The following RPGRIP1 variants were observed in gnomAD, a reference collection of about 807,000 sequenced individuals.
The protein encoded by RPGRIP1 is RPGR interacting protein 1, also known as X-linked retinitis pigmentosa GTPase regulator-interacting protein 1.
In RPGRIP1, 128 loss-of-function variants were observed where a neutral mutation model predicts 157.9. The ratio of observed to expected loss-of-function variants is 0.81; its 90% CI spans 0.70 to 0.94. The LOEUF (loss-of-function observed/expected upper bound fraction) is 0.94. RPGRIP1 is among the 40% of genes least tolerant of loss of function. The pLI is 0.00. For synonymous variants in RPGRIP1, 554 were observed against 571.6 expected, an observed-to-expected ratio of 0.97 and a Z score of 0.44; for missense variants, 1,486 against 1,545.8, an observed-to-expected ratio of 0.96 and a Z score of 0.65.
chr14:21,331,155 C>T (rs1308360375), intron 20 of RPGRIP1, among the ~76,000 whole-genome samples: 3 of 151,796 alleles, frequency 2.0e-5, no homozygotes, highest in Non-Finnish European at 4.4e-5. Flanking sequence ...GTGATCCGCC[C>T]ACCTCAGCCT....
intron 1 of RPGRIP1, among the ~76,000 whole-genome samples, chr14:21,284,540 A>ATTTTTTT (rs67923336): frequency 7.7e-6 from 1 of 130,462 alleles, no homozygotes; most frequent in Non-Finnish European, 1.6e-5. Context: ...GGAGAACTAA[A>ATTTTTTT]TTTTTTTTTT....
intron 21 of RPGRIP1, among the ~76,000 whole-genome samples, chr14:21,341,457 G>C (rs1252815034): frequency 6.6e-6 from 1 of 152,162 alleles, no homozygotes; most frequent in African/African-American, 2.4e-5. Context: ...AGAAAAGATG[G>C]GGTAAGAGCC....
chr14:21,288,550 C>T (rs188128934), intron 2 of RPGRIP1, among the ~76,000 whole-genome samples: 10 of 146,782 alleles, frequency 6.8e-5, no homozygotes, highest in South Asian at 2.2e-4. Flanking sequence ...CACTCTCTCT[C>T]GTCCCCCAGG....
chr14:21,328,557 G>A lies in RPGRIP1; in HGVS notation c.3029G>A (p.Arg1010Lys), dbSNP rs969637624. The A allele has an allele frequency of 8.7e-6, 14 of 1,613,624 alleles. No homozygotes were observed. Among genetic ancestry groups the A allele is most frequent in the Non-Finnish European group, 1.0e-5 (12 of 1,179,736 alleles). The change falls in exon 19 of 25, where the codon AGA becomes AAA. Residue 1010 changes from arginine (R) to lysine (K), a missense_variant. By Grantham distance (26) the Arg-to-Lys change is conservative. Transcript: ENST00000400017. ...VSYSRRKHGK[R>K]IGVQGKNRME... ...TACTCAAGAAGAAAACATGGCAAAA[G>A]AATAGGTGTTCAAGGAAAGAATAGA...
chr14:21,281,173 A>T (rs921019245), intron 1 of RPGRIP1, among the ~76,000 whole-genome samples: 1 of 151,864 alleles, frequency 6.6e-6, no homozygotes, highest in Admixed American at 6.6e-5. Flanking sequence ...GCGCACCACC[A>T]TGCCCAGCTA....
At chr14:21,335,523 TC>T (rs1207657180) in intron 21 of RPGRIP1, among the ~76,000 whole-genome samples, 6 of 151,692 alleles carry the variant, frequency 4.0e-5, no homozygotes, top group Non-Finnish European at 7.4e-5. Context: ...GAGACACGCA[TC>T]AAAAAAATAT....
intron 14 of RPGRIP1, 25 bp from the exon 15 acceptor site, chr14:21,324,593 A>G: frequency 6.3e-7 from 1 of 1,586,994 alleles, no homozygotes; most frequent in Non-Finnish European, 8.6e-7. Context: ...CCTTTAACGG[A>G]TAGGCAGCTT....
At position 21,325,911 on chromosome 14, in the gene RPGRIP1, G is replaced by C. The variant is rs967192107; in HGVS notation, c.2448G>C (p.Leu816=). Reference sequence around the variant, plus strand: ...GCTGTGGCCTCCGGAGTCGATGGCTGGGAACTCAACCCAGTCCATATGCTG... The same window carrying C: ...GCTGTGGCCTCCGGAGTCGATGGCTCGGAACTCAACCCAGTCCATATGCTG... The part of the protein sequence containing the change: ...TKCCGLRSRW[L]GTQPSPYAVY... The change falls in exon 17 of 25, where the codon CTG becomes CTC. Residue 816 remains leucine (L), a synonymous_variant. Coordinates refer to ENST00000400017, the MANE Select transcript of RPGRIP1 (RefSeq NM_020366.4). 2 of 1,613,954 alleles carry C rather than the reference G, an allele frequency of 1.2e-6. No individual in the cohort carries two copies. Among genetic ancestry groups the C allele is most frequent in the Admixed American group, 3.3e-5 (2 of 60,004 alleles).
intron 10 of RPGRIP1, among the ~76,000 whole-genome samples, chr14:21,316,403 A>T (rs1476208526): frequency 6.6e-6 from 1 of 151,658 alleles, no homozygotes; most frequent in Non-Finnish European, 1.5e-5. Flanking sequence ...GGAACCATCC[A>T]GCCTGGCCGG....
chr14:21,288,486 C>T (rs1165061255), intron 2 of RPGRIP1, among the ~76,000 whole-genome samples: 1 of 150,628 alleles, frequency 6.6e-6, no homozygotes, highest in African/African-American at 2.4e-5. Context: ...TGGCCCTCTT[C>T]TCACATTTTA....
chr14:21,301,846 C>A (rs575605556), intron 4 of RPGRIP1, among the ~76,000 whole-genome samples: 1 of 151,994 alleles, frequency 6.6e-6, no homozygotes, highest in African/African-American at 2.4e-5. Flanking sequence ...CCACTGAACT[C>A]CAGCCTGGGC....
intron 2 of RPGRIP1, among the ~76,000 whole-genome samples, chr14:21,289,642 C>G (rs1206160974): frequency 6.6e-6 from 1 of 152,006 alleles, no homozygotes; most frequent in Non-Finnish European, 1.5e-5. Context: ...AATGATGCAA[C>G]CACTTTGGAA....
chr14:21,349,748 C>A (rs1157477094), intron 24 of RPGRIP1, among the ~76,000 whole-genome samples: 1 of 152,148 alleles, frequency 6.6e-6, no homozygotes, highest in Non-Finnish European at 1.5e-5. Flanking sequence ...TTCTTCTACC[C>A]CATTTCCATC....
At position 21,324,879 on chromosome 14, in the gene RPGRIP1, T is replaced by C; in HGVS notation, c.2024T>C (p.Leu675Pro). 6.2e-7 allele frequency: 1 copy of C among 1,614,030 alleles called. No individual in the cohort carries two copies. The highest frequency in any genetic ancestry group is 1.1e-5 in the South Asian group (1 of 91,086). Residue 675 changes from leucine to proline, a missense_variant, in exon 15 of 25, where the codon CTC (leucine) becomes CCC (proline). Physicochemically the swap from Leu to Pro is moderately conservative, Grantham distance 98. Transcript: ENST00000400017. ...CCATTATCTGTGGGGCCACAGCCCC[T>C]CTATGACTTCACCTCCCAGTATGTG... ...CTPLSVGPQP[L>P]YDFTSQYVME...
chr14:21,328,302 T>C (rs1724610637), intron 18 of RPGRIP1, 122 bp from the exon 19 acceptor site: 2 of 692,648 alleles, frequency 2.9e-6, no homozygotes, highest in African/African-American at 3.6e-5. Context: ...GAGAGAGAAA[T>C]AGCATTTCTC....
At chr14:21,323,893 C>G (rs926198241) in intron 14 of RPGRIP1, 1 of 153,762 alleles carries the variant, frequency 6.5e-6, no homozygotes, top group Non-Finnish European at 1.4e-5. Flanking sequence ...ACTGTGTTGA[C>G]TCAAATATTC....
Position 21,321,940 on chromosome 14 carries a change from C to A in RPGRIP1, c.1698C>A (p.Asp566Glu). 2 of 1,613,644 alleles carry A rather than the reference C, an allele frequency of 1.2e-6. No individual in the cohort carries two copies. Among genetic ancestry groups the A allele is most frequent in the Non-Finnish European group, 1.7e-6 (2 of 1,179,684 alleles). ...TGGAGAGGTTGACTCGACTACTAGA[C>A]CTCAAGAATAACCGTATCAAGCAGC... ...EKLERLTRLL[D>E]LKNNRIKQLE... The change falls in exon 14 of 25, where the codon GAC (aspartate) becomes GAA (glutamate). Residue 566 changes from aspartate (D) to glutamate (E), a missense_variant. Transcript: ENST00000400017.
chr14:21,321,564 C>T, intron 13 of RPGRIP1, 162 bp downstream of exon 13: 6 of 1,352,122 alleles, frequency 4.4e-6, no homozygotes, highest in Middle Eastern at 2.7e-4. Context: ...CTTGAGGACT[C>T]ACACATGCCC....
chr14:21,321,723 A>G (rs1882493570), intron 13 of RPGRIP1, 131 bp from the exon 14 acceptor site: 2 of 991,512 alleles, frequency 2.0e-6, no homozygotes, highest in Non-Finnish European at 2.9e-6. Flanking sequence ...AAGGAAATCA[A>G]ACCTTCTTCT....
Sources: gnomAD v4.1 joint callset for allele counts (sites outside exome capture counted in the v4.1 genomes callset) on GRCh38, gnomAD v4.1.1 for gene constraint, MANE v1.5 for transcripts, NCBI Gene and HGNC (gene_info 2026-07-23, HGNC 2026-07-21) for gene names.